The following ZFP82 variants were observed in gnomAD, a reference collection of about 807,000 sequenced individuals.
The protein encoded by ZFP82 is zinc finger protein 82 homolog.
A neutral mutation model predicts 54.0 loss-of-function variants in ZFP82; 30 were observed. The ratio of observed to expected loss-of-function variants is 0.56; its 90% CI spans 0.42 to 0.75. The LOEUF (loss-of-function observed/expected upper bound fraction) is 0.75. Among genes scored for constraint, ZFP82 ranks in the 30% least tolerant of loss-of-function variants. The probability of loss-of-function intolerance (pLI) is 0.00; values close to 1 mark genes in which losing one functional copy is unlikely to be tolerated. For synonymous variants in ZFP82, 194 were observed against 209.5 expected (o/e 0.93, Z 0.64); for missense variants, 500 against 636.8 (o/e 0.79, Z 2.31).
chr19:36,398,588 A>C (rs62113869), intron 4 of ZFP82, among the ~76,000 whole-genome samples: 23,199 of 151,732 alleles, frequency 0.15, 2,211 homozygotes, highest in Non-Finnish European at 0.21. Flanking sequence ...ATCTATTAAG[A>C]CAATTCAATA....
chr19:36,400,566 T>C (rs1398812249), intron 4 of ZFP82, among the ~76,000 whole-genome samples: 2 of 152,208 alleles, frequency 1.3e-5, no homozygotes, highest in Non-Finnish European at 2.9e-5. Flanking sequence ...AAGAATATGC[T>C]ATCTTCTCTC....
chr19:36,407,304 C>T (rs2032501343), intron 3 of ZFP82, among the ~76,000 whole-genome samples: 1 of 151,798 alleles, frequency 6.6e-6, no homozygotes, highest in Non-Finnish European at 1.5e-5. Context: ...TCTCGATCTC[C>T]TGACCTCGTG....
In ZFP82 at chr19:36,390,222, A is replaced by G. The variant is rs887371896; in HGVS notation, c.*2519T>C. The G allele has an allele frequency of 3.9e-5, 6 of 152,176 alleles. No individual in the cohort carries two copies. The highest frequency in any genetic ancestry group is 8.8e-5 in the Non-Finnish European group (6 of 68,036). 9.4% of individuals were successfully genotyped at this position (152,176 alleles called of 1,614,324 possible). ...TCTGCCTGTCTCACCATGATTGATTAAAACAAATCCCAAGCGCATTTTAAC... is the reference window on the plus strand; with the variant it reads ...TCTGCCTGTCTCACCATGATTGATTGAAACAAATCCCAAGCGCATTTTAAC... On this transcript the variant is annotated 3_prime_UTR_variant, in exon 5 of 5. Transcript: ENST00000392161.
chr19:36,417,130 G>C (rs2032687527), intron 1 of ZFP82, among the ~76,000 whole-genome samples: 1 of 144,302 alleles, frequency 6.9e-6, no homozygotes, highest in Non-Finnish European at 1.5e-5. Flanking sequence ...TTAAGCATCT[G>C]ATCTGGCTCA....
At position 36,390,131 on chromosome 19, in the gene ZFP82, C is replaced by T. The variant is rs2145576069; in HGVS notation, c.*2610G>A. On this transcript the variant is annotated 3_prime_UTR_variant, in exon 5 of 5. Coordinates refer to ENST00000392161, the MANE Select transcript of ZFP82 (RefSeq NM_133466.4). ...TGCTTCTTTACGTGACCCTGCATGC[C>T]ATGCCATGCCTCCCGTTTGTGGGAT... is the stretch of plus-strand genomic sequence containing the variant. Among the ~76,000 whole-genome samples, 1 of 152,234 alleles carries T rather than the reference C, an allele frequency of 6.6e-6. No individual in the cohort carries two copies.
At chr19:36,386,393 G>A (rs1014438823), downstream of ZFP82, among the ~76,000 whole-genome samples, 1 of 152,210 alleles carries the variant, frequency 6.6e-6, no homozygotes, top group African/African-American at 2.4e-5. Context: ...TAGCCTGGGG[G>A]CCCAGTCAGA....
intron 4 of ZFP82, 144 bp downstream of exon 4, chr19:36,405,436 C>T: frequency 5.8e-6 from 3 of 515,398 alleles, no homozygotes; most frequent in Non-Finnish European, 1.0e-5. Context: ...GGCCACAGAC[C>T]TTTCCTCCTT....
At chr19:36,401,289 T>G (rs940735052) in intron 4 of ZFP82, among the ~76,000 whole-genome samples, 1 of 152,204 alleles carries the variant, frequency 6.6e-6, no homozygotes, top group Non-Finnish European at 1.5e-5. Flanking sequence ...GTGTACGTAT[T>G]CAACTGCCTA....
At chr19:36,394,708 G>A (rs1157949403) in intron 4 of ZFP82, 1 of 152,150 alleles carries the variant, frequency 6.6e-6, no homozygotes, top group Non-Finnish European at 1.5e-5. Context: ...TCTCCTGATT[G>A]GGCTCTTTGC....
downstream of ZFP82, among the ~76,000 whole-genome samples, chr19:36,386,877 G>C (rs2032121785): frequency 6.6e-6 from 1 of 152,024 alleles, no homozygotes; most frequent in Non-Finnish European, 1.5e-5. Flanking sequence ...AGAGGTTGCA[G>C]TGGGCCGAGA....
At chr19:36,410,536 C>T (rs539169793) in intron 1 of ZFP82, among the ~76,000 whole-genome samples, 1 of 151,882 alleles carries the variant, frequency 6.6e-6, no homozygotes, top group South Asian at 2.1e-4. Flanking sequence ...GAGTCTTGCT[C>T]TTATTGCCCA....
chr19:36,408,113 T>C (rs372770466), intron 2 of ZFP82, 100 bp from the exon 3 acceptor site: 1 of 1,377,618 alleles, frequency 7.3e-7, no homozygotes, highest in South Asian at 1.3e-5. Flanking sequence ...GTGGATCATA[T>C]GGCAAGAAAA....
At position 36,390,440 on chromosome 19, in the gene ZFP82, G is replaced by A. The variant is rs908697702; in HGVS notation, c.*2301C>T. 2.3e-5 allele frequency: 3 copies of A among 130,438 alleles called. No individual in the cohort carries two copies. Among genetic ancestry groups the A allele is most frequent in the African/African-American group, 8.8e-5 (3 of 34,130 alleles). The allele number at this position is 130,438 out of a possible 1,614,324, so 8.1% of individuals were successfully genotyped here. ...GTTTGCTTCTTTGTGTTGTTAATTT[G>A]TTCTTTTATTCCCCATGTTTCCTGT... On this transcript the variant is annotated 3_prime_UTR_variant, in exon 5 of 5. Coordinates refer to ENST00000392161, the MANE Select transcript of ZFP82 (RefSeq NM_133466.4).
intron 2 of ZFP82, among the ~76,000 whole-genome samples, chr19:36,408,844 T>C (rs762982227): frequency 6.6e-6 from 1 of 152,138 alleles, no homozygotes; most frequent in Non-Finnish European, 1.5e-5. Context: ...AAATTGGTTA[T>C]ATAATAGTCT....
rs1343490971 is a variant in ZFP82, at chr19:36,391,379, G to T, written c.*1362C>A. On this transcript the variant is annotated 3_prime_UTR_variant, in exon 5 of 5. Coordinates refer to ENST00000392161, the MANE Select transcript of ZFP82 (RefSeq NM_133466.4). ...TGAAGTAGTTTAAAAAATTAATGGG[G>T]CTTCATAATACAGGTGACTTTTAAT... is the stretch of plus-strand genomic sequence containing the variant. 1 of 151,684 alleles carries T rather than the reference G, an allele frequency of 6.6e-6. No individual in the cohort carries two copies. The highest frequency in any genetic ancestry group is 2.4e-5 in the African/African-American group (1 of 41,276). The allele number at this position is 151,684 out of a possible 1,614,324, so 9.4% of individuals were successfully genotyped here. A position where few individuals can be genotyped will look rare whatever the true frequency, so the allele number is the denominator to read the frequency against.
In ZFP82 at chr19:36,393,193, G is replaced by A; in HGVS notation, c.1147C>T (p.Leu383Phe). The change falls in exon 5 of 5, where the codon CTC becomes TTC. Residue 383 changes from leucine (L) to phenylalanine (F), a missense_variant. Leu to Phe is a conservative substitution (Grantham distance 22, BLOSUM62 0). Transcript: ENST00000392161. ...TCACCAGTATGAATTCTGTGATGGA[G>A]AATAAGATGATAACCACGGCTAAAG... ...KTFSRGYHLI[L>F]HHRIHTGEKP... is the part of the protein sequence containing the mutation. 1 of 1,613,838 alleles carries A rather than the reference G, an allele frequency of 6.2e-7. No homozygotes were observed.
In ZFP82 at chr19:36,405,561, C is replaced by T. The variant is rs1292709186; in HGVS notation, c.229+19G>A. On this transcript the variant is annotated intron_variant, in intron 4 of 4. Coordinates refer to ENST00000392161, the MANE Select transcript of ZFP82 (RefSeq NM_133466.4). ...GGTTCCCTGTGTTGATGGCTTCTTC[C>T]TGCCCAACTAGCCCTCACCTGGATA... The T allele has an allele frequency of 1.9e-6, 3 of 1,589,238 alleles. 1 individual carries two copies. Among genetic ancestry groups the T allele is most frequent in the South Asian group, 2.2e-5 (2 of 89,552 alleles).
intron 4 of ZFP82, among the ~76,000 whole-genome samples, chr19:36,401,823 C>T (rs1040580596): frequency 1.3e-5 from 2 of 152,232 alleles, no homozygotes; most frequent in Non-Finnish European, 2.9e-5. Flanking sequence ...AAGGCTAATG[C>T]CGCACTCAGA....
At chr19:36,416,861 C>A (rs1268809551) in intron 1 of ZFP82, among the ~76,000 whole-genome samples, 1 of 149,520 alleles carries the variant, frequency 6.7e-6, no homozygotes, top group Non-Finnish European at 1.5e-5. Flanking sequence ...TCACTTGAGG[C>A]CAGGAGTTTG....
Sources: allele counts gnomAD v4.1 joint callset (sites outside exome capture counted in the v4.1 genomes callset), GRCh38; gene constraint gnomAD v4.1.1; transcripts MANE v1.5; gene names NCBI Gene and HGNC (gene_info 2026-07-23, HGNC 2026-07-21).